Variants in GOLGA4 observed in about 807,000 individuals in gnomAD.
The protein encoded by GOLGA4 is golgin A4.
A neutral mutation model predicts 265.9 loss-of-function variants in GOLGA4; 169 were observed. That is an observed-to-expected ratio of 0.64 (90% CI 0.56 to 0.72). GOLGA4 has a LOEUF of 0.72. Among genes scored for constraint, GOLGA4 ranks in the 30% least tolerant of loss-of-function variants. GOLGA4 has a pLI of 0.00. For missense variants in GOLGA4, 2,482 were observed against 2,483.4 expected (o/e 1.00, Z 0.01); for synonymous variants, 923 against 855.8 (o/e 1.08, Z -1.37).
intron 2 of GOLGA4, chr3:37,276,551 A>G (rs892856883): frequency 1.3e-6 from 2 of 1,598,536 alleles, no homozygotes; most frequent in South Asian, 1.1e-5. Context: ...ACCAGTGACA[A>G]CATTTGTTGT....
At chr3:37,321,669 G>A (rs2096955254) in intron 12 of GOLGA4, 62 bp from the exon 13 acceptor site, 1 of 1,411,706 alleles carries the variant, frequency 7.1e-7, no homozygotes, top group Non-Finnish European at 9.7e-7. Flanking sequence ...TCCTGGGGAA[G>A]TACTTTGCGA....
At chr3:37,315,392 TA>T (rs1391835379) in intron 10 of GOLGA4, 27 bp from the exon 11 acceptor site, 1 of 1,578,916 alleles carries the variant, frequency 6.3e-7, no homozygotes, top group Admixed American at 1.8e-5. Context: ...TTTCTTGAGA[TA>T]CTTGTTTTCT....
chr3:37,281,915 G>A (rs530434781), intron 2 of GOLGA4, 43 bp from the exon 3 acceptor site: 4 of 1,368,610 alleles, frequency 2.9e-6, no homozygotes, highest in Non-Finnish European at 4.1e-6. Context: ...AAGTCTAAAT[G>A]TATGTATTTT....
rs532810351 is a variant in GOLGA4 at position 37,282,277 on chromosome 3, G to A, written c.477+5G>A. ...TACAGGGGAAAATATTCTGAGGTAG[G>A]AGCATGACCTTTTTGCCTGTACAAA... On this transcript the variant is annotated splice_donor_5th_base_variant and intron_variant, in intron 3 of 23. Coordinates refer to ENST00000361924, the MANE Select transcript of GOLGA4 (RefSeq NM_002078.5). 72 of 1,609,360 alleles carry A rather than the reference G, an allele frequency of 4.5e-5. 1 individual carries two copies. In the South Asian group the frequency reaches 7.8e-4, roughly 17 times the overall value.
At chr3:37,265,501 A>G (rs144095808) in intron 2 of GOLGA4, among the ~76,000 whole-genome samples, 16 of 152,294 alleles carry the variant, frequency 1.1e-4, no homozygotes, top group Middle Eastern at 3.4e-3. Flanking sequence ...GTATTTATAA[A>G]TGTTATTCTT....
At chr3:37,280,746 C>T (rs1357273196) in intron 2 of GOLGA4, among the ~76,000 whole-genome samples, 1 of 152,062 alleles carries the variant, frequency 6.6e-6, no homozygotes, top group African/African-American at 2.4e-5. Context: ...GGGGAGTGCT[C>T]TCCATATACT....
intron 21 of GOLGA4, among the ~76,000 whole-genome samples, chr3:37,352,869 A>G (rs1356471664): frequency 3.3e-5 from 5 of 152,108 alleles, no homozygotes; most frequent in South Asian, 4.1e-4. Flanking sequence ...TAACTGGCAT[A>G]CAAGGCCTAG....
intron 16 of GOLGA4, among the ~76,000 whole-genome samples, chr3:37,330,512 T>A (rs573734775): frequency 6.6e-6 from 1 of 152,120 alleles, no homozygotes; most frequent in Non-Finnish European, 1.5e-5. Context: ...ACCTTTTAGG[T>A]AGAAGGGTGA....
chr3:37,254,865 G>A (rs903890270), intron 2 of GOLGA4, among the ~76,000 whole-genome samples: 78 of 147,004 alleles, frequency 5.3e-4, no homozygotes, highest in African/African-American at 1.6e-3. Flanking sequence ...ATTATTATTA[G>A]CTATTATATA....
intron 10 of GOLGA4, among the ~76,000 whole-genome samples, chr3:37,310,965 A>G (rs1378273760): frequency 6.6e-6 from 1 of 152,210 alleles, no homozygotes; most frequent in Non-Finnish European, 1.5e-5. Flanking sequence ...AATTTGAAAG[A>G]TAAATTGTCT....
At chr3:37,266,024 TCAAAAAA>T (rs2096782692) in intron 2 of GOLGA4, among the ~76,000 whole-genome samples, 1 of 105,658 alleles carries the variant, frequency 9.5e-6, no homozygotes, top group African/African-American at 4.3e-5. Flanking sequence ...AGACCTTGTC[TCAAAAAA>T]AAAAAAAAAA....
chr3:37,296,550 T>G (rs1010663473), intron 7 of GOLGA4, among the ~76,000 whole-genome samples: 18 of 152,146 alleles, frequency 1.2e-4, no homozygotes, highest in African/African-American at 4.3e-4. Context: ...TTGTTGTTAT[T>G]TAGGAGAAAA....
intron 21 of GOLGA4, among the ~76,000 whole-genome samples, chr3:37,351,396 A>C (rs1159181227): frequency 6.6e-6 from 1 of 152,106 alleles, no homozygotes; most frequent in African/African-American, 2.4e-5. Context: ...TCATCCATGA[A>C]AGTTGGAATC....
intron 20 of GOLGA4, 90 bp downstream of exon 20, chr3:37,340,289 T>C (rs2097028975): frequency 1.1e-5 from 6 of 540,634 alleles, no homozygotes; most frequent in African/African-American, 2.0e-5. Context: ...CTAATTTATA[T>C]TTTTTTCTCA....
At chr3:37,343,274 T>A (rs1172805708) in intron 20 of GOLGA4, among the ~76,000 whole-genome samples, 1 of 152,174 alleles carries the variant, frequency 6.6e-6, no homozygotes, top group Non-Finnish European at 1.5e-5. Context: ...GGCATGCGCC[T>A]CCACGCCTGG....
intron 2 of GOLGA4, among the ~76,000 whole-genome samples, chr3:37,274,654 C>T (rs1015738248): frequency 1.3e-5 from 2 of 151,722 alleles, no homozygotes; most frequent in African/African-American, 4.8e-5. Context: ...GATTGTACCA[C>T]TGCACTCCAG....
Position 37,323,929 on chromosome 3 carries a change from G to T in GOLGA4, c.2043G>T (p.Val681=). 1 of 1,613,582 alleles carries T rather than the reference G, an allele frequency of 6.2e-7. No homozygotes were observed. Among genetic ancestry groups the T allele is most frequent in the Non-Finnish European group, 8.5e-7 (1 of 1,179,928 alleles). Reference sequence around the variant, plus strand: ...AAAAGACTTTAGAAAAGCTTGATGTGAAGCAAACAGAACTAGAATCATTAT... The same window carrying T: ...AAAAGACTTTAGAAAAGCTTGATGTTAAGCAAACAGAACTAGAATCATTAT... ...MNEKTLEKLD[V]KQTELESLSS... is the part of the protein sequence containing the mutation. The change falls in exon 14 of 24, where the codon GTG becomes GTT. Residue 681 remains valine, a synonymous_variant. Transcript: ENST00000361924.
chr3:37,255,846 G>A (rs1428422638), intron 2 of GOLGA4, among the ~76,000 whole-genome samples: 1 of 151,394 alleles, frequency 6.6e-6, no homozygotes, highest in Non-Finnish European at 1.5e-5. Context: ...TCAACCTCCT[G>A]AGCTCAAGTG....
chr3:37,245,239 A>C (rs981971552), intron 1 of GOLGA4: 2 of 152,704 alleles, frequency 1.3e-5, no homozygotes, highest in African/African-American at 4.8e-5. Context: ...CTTAGTATTT[A>C]CACAGATTAT....
Sources: allele counts gnomAD v4.1 joint callset (sites outside exome capture counted in the v4.1 genomes callset), GRCh38; gene constraint gnomAD v4.1.1; transcripts MANE v1.5; gene names NCBI Gene and HGNC (gene_info 2026-07-23, HGNC 2026-07-21).